The following BAZ2B variants were observed in gnomAD, a reference collection of about 807,000 sequenced individuals.
The protein encoded by BAZ2B is bromodomain adjacent to zinc finger domain protein 2B.
Under a neutral mutation model 246.0 loss-of-function variants are expected in BAZ2B, and 91 were observed. The observed-to-expected ratio is 0.37, with a 90% CI of 0.31 to 0.44. The LOEUF (loss-of-function observed/expected upper bound fraction) is 0.44, where lower values mean the gene tolerates loss of function less well. Ranked by LOEUF, BAZ2B falls within the 20% of genes least tolerant of loss-of-function variation. The probability of loss-of-function intolerance (pLI) is 1.00; values close to 1 mark genes in which losing one functional copy is unlikely to be tolerated. For synonymous variants in BAZ2B, 855 were observed against 860.0 expected, an observed-to-expected ratio of 0.99 and a Z score of 0.10; for missense variants, 2,332 against 2,533.7, an observed-to-expected ratio of 0.92 and a Z score of 1.71.
intron 3 of BAZ2B, chr2:159,462,591 C>T (rs2076543009): frequency 1.1e-5 from 10 of 873,360 alleles, no homozygotes; most frequent in South Asian, 6.5e-5. Flanking sequence ...GCAGTTTGTG[C>T]GTCATTCGAA....
intron 2 of BAZ2B, among the ~76,000 whole-genome samples, chr2:159,517,781 T>C (rs971824132): frequency 7.9e-5 from 12 of 152,166 alleles, no homozygotes; most frequent in African/African-American, 1.7e-4. Flanking sequence ...TCATTACATA[T>C]ACGTAATATG....
chr2:159,576,496 G>A (rs1035835486), intron 1 of BAZ2B, among the ~76,000 whole-genome samples: 2 of 148,492 alleles, frequency 1.3e-5, no homozygotes, highest in Admixed American at 1.4e-4. Flanking sequence ...ACAAATTTGA[G>A]TTATCATCAT....
At chr2:159,649,639 C>A in the BAZ2B span, among the ~76,000 whole-genome samples, 1 of 152,050 alleles carries the variant, frequency 6.6e-6, no homozygotes, top group East Asian at 1.9e-4. Context: ...TCAAGATTTT[C>A]TCTTATTACT....
the BAZ2B span, among the ~76,000 whole-genome samples, chr2:159,697,065 T>C: frequency 6.6e-6 from 1 of 152,296 alleles, no homozygotes; most frequent in African/African-American, 2.4e-5. Flanking sequence ...GGATTACAGG[T>C]GTGAGTCACT....
At chr2:159,589,282 TG>T (rs1448725279) in intron 1 of BAZ2B, among the ~76,000 whole-genome samples, 1 of 152,096 alleles carries the variant, frequency 6.6e-6, no homozygotes, top group Non-Finnish European at 1.5e-5. Flanking sequence ...TCATAATTTA[TG>T]GGTCTACAAT....
chr2:159,686,806 G>T, the BAZ2B span, among the ~76,000 whole-genome samples: 1 of 152,234 alleles, frequency 6.6e-6, no homozygotes, highest in South Asian at 2.1e-4. Flanking sequence ...ACTTTGGGAG[G>T]CCAAGGCGGA....
At chr2:159,576,382 A>AC (rs1428030810) in intron 1 of BAZ2B, among the ~76,000 whole-genome samples, 1 of 152,160 alleles carries the variant, frequency 6.6e-6, no homozygotes, top group Non-Finnish European at 1.5e-5. Context: ...ACAAAGTGAG[A>AC]CCCCGTCTTT....
chr2:159,407,211 C>A (rs946247932), intron 14 of BAZ2B, among the ~76,000 whole-genome samples: 11 of 151,900 alleles, frequency 7.2e-5, no homozygotes, highest in Non-Finnish European at 1.6e-4. Flanking sequence ...GTGGCTCATG[C>A]CTGTAATCCC....
intron 20 of BAZ2B, 99 bp downstream of exon 20, chr2:159,395,670 A>G: frequency 5.4e-6 from 6 of 1,111,150 alleles, no homozygotes; most frequent in Non-Finnish European, 7.5e-6. Flanking sequence ...GTAAATCACA[A>G]CAAACCTATA....
In BAZ2B at chr2:159,319,361, C is replaced by A. The variant is rs527608016; in HGVS notation, c.*904G>T. 47 of 152,562 alleles carry A rather than the reference C, an allele frequency of 3.1e-4. No homozygotes were observed. The highest frequency in any genetic ancestry group is 6.2e-4 in the Non-Finnish European group (42 of 67,986). The allele number at this position is 152,562 out of a possible 1,614,324, so 9.5% of individuals were successfully genotyped here. A position where few individuals can be genotyped will look rare whatever the true frequency, so the allele number is the denominator to read the frequency against. On this transcript the variant is annotated 3_prime_UTR_variant, in exon 37 of 37. Transcript: ENST00000392783. This position sits in a 1 kb window ranked among gnomAD's most constrained non-coding sequence, Gnocchi z 4.0. ...AATAGAAAAATGGAAAACTAATATC[C>A]CCTACACCCTGTTTCAAAGGCAGGC...
At chr2:159,530,596 AAC>A (rs1326654872) in intron 2 of BAZ2B, among the ~76,000 whole-genome samples, 2 of 152,216 alleles carry the variant, frequency 1.3e-5, no homozygotes, top group African/African-American at 4.8e-5. Context: ...GAGGAATAAC[AAC>A]AGAGTTATGC....
At chr2:159,673,755 T>C in the BAZ2B span, among the ~76,000 whole-genome samples, 14 of 151,880 alleles carry the variant, frequency 9.2e-5, no homozygotes, top group Admixed American at 7.9e-4. Flanking sequence ...ATCAAAACTA[T>C]AAAAAAGTAC....
chr2:159,449,605 C>T (rs2074758370), intron 4 of BAZ2B, among the ~76,000 whole-genome samples: 1 of 152,078 alleles, frequency 6.6e-6, no homozygotes, highest in African/African-American at 2.4e-5. Context: ...GTCTAAAAAA[C>T]AGTATAAGTA....
chr2:159,460,318 A>AG (rs1276083589), intron 3 of BAZ2B: 2 of 152,116 alleles, frequency 1.3e-5, no homozygotes, highest in African/African-American at 2.4e-5. Flanking sequence ...CAGTGAACAA[A>AG]ATCTCCCATC....
At chr2:159,465,162 A>G (rs564047413) in intron 3 of BAZ2B, among the ~76,000 whole-genome samples, 1 of 152,338 alleles carries the variant, frequency 6.6e-6, no homozygotes, top group East Asian at 1.9e-4. Context: ...ACTAGGAAAC[A>G]TGAGTTCCAT....
intron 2 of BAZ2B, among the ~76,000 whole-genome samples, chr2:159,520,451 A>G (rs921807822): frequency 2.6e-5 from 4 of 152,150 alleles, no homozygotes; most frequent in African/African-American, 9.7e-5. Context: ...ATATATTACT[A>G]TATAATTATT....
chr2:159,551,342 A>G (rs905465244), intron 2 of BAZ2B, among the ~76,000 whole-genome samples: 71 of 151,814 alleles, frequency 4.7e-4, no homozygotes, highest in Non-Finnish European at 7.8e-4. Context: ...GGTGGCGGAA[A>G]CCTGTAGTCC....
Position 159,386,522 on chromosome 2 carries a change from C to T in BAZ2B, c.3302G>A (p.Arg1101Gln), listed in dbSNP as rs368166575. ...AAAGCCCAAAACTTTACCAAAGTTT[C>T]GTAAGAACTGCACCACCATGAGACA... ...SDCLMVVQFL[R>Q]NFGKVLGFDV... is the part of the protein sequence containing the mutation. The change falls in exon 22 of 37, where the codon CGA becomes CAA. Residue 1101 changes from arginine to glutamine, a missense_variant. Coordinates refer to ENST00000392783, the MANE Select transcript of BAZ2B (RefSeq NM_013450.4). 44 of 1,613,520 alleles carry T rather than the reference C, an allele frequency of 2.7e-5. No individual in the cohort carries two copies. In the East Asian group the frequency reaches 4.0e-4, roughly 15 times the overall value.
downstream of BAZ2B, among the ~76,000 whole-genome samples, chr2:159,316,018 G>T (rs2062078482): frequency 6.6e-6 from 1 of 152,060 alleles, no homozygotes; most frequent in Non-Finnish European, 1.5e-5. Flanking sequence ...TAATACAACT[G>T]ATATGTCTAA....
Sources: allele counts gnomAD v4.1 joint callset (sites outside exome capture counted in the v4.1 genomes callset), GRCh38; gene constraint gnomAD v4.1.1; non-coding constraint Gnocchi (gnomAD v3.1); transcripts MANE v1.5; gene names NCBI Gene and HGNC (gene_info 2026-07-23, HGNC 2026-07-21).